The following BRF1 variants were observed in gnomAD, a reference collection of about 807,000 sequenced individuals.
The protein encoded by BRF1 is BRF1 general transcription factor IIIB subunit.
In BRF1, 59 loss-of-function variants were observed where a neutral mutation model predicts 81.7. The observed-to-expected ratio is 0.72, with a 90% confidence interval of 0.59 to 0.90. The LOEUF (loss-of-function observed/expected upper bound fraction) is 0.90. Among genes scored for constraint, BRF1 ranks in the 40% least tolerant of loss-of-function variants. The pLI, the probability that BRF1 is intolerant of heterozygous loss-of-function variation, is 0.00. For synonymous variants in BRF1, 491 were observed against 395.6 expected (o/e 1.24, Z -2.86); for missense variants, 1,050 against 936.3 (o/e 1.12, Z -1.58).
chr14:105,301,014 G>C (rs889416528), upstream of BRF1: 1 of 152,998 alleles, frequency 6.5e-6, no homozygotes, highest in African/African-American at 2.4e-5. Flanking sequence ...TTGGGGGCGG[G>C]GCCACGGCGG....
In BRF1 at chr14:105,221,929, T is replaced by G. The variant is rs1265699580; in HGVS notation, c.1049-15A>C. 6.4e-7 allele frequency: 1 copy of G among 1,553,782 alleles called. No individual in the cohort carries two copies. Among genetic ancestry groups the G allele is most frequent in the Non-Finnish European group, 8.7e-7 (1 of 1,155,282 alleles). On this transcript the variant is annotated splice_polypyrimidine_tract_variant and intron_variant, in intron 10 of 17. Coordinates refer to ENST00000547530, the MANE Select transcript of BRF1 (RefSeq NM_001519.4). ...CTCGGTGGAGCCTAGGTGTACACAA[T>G]CCACCTGTTAACCAGGCAGAGGGCC...
intron 5 of BRF1, chr14:105,249,603 G>A (rs369527228): frequency 7.2e-5 from 115 of 1,589,792 alleles, no homozygotes; most frequent in Non-Finnish European, 8.8e-5. Context: ...ATGGGTGCTT[G>A]GGAGCCAGCC....
Position 105,219,243 on chromosome 14 carries a change from A to G in BRF1, c.1378-11T>C. 1 of 1,610,042 alleles carries G rather than the reference A, an allele frequency of 6.2e-7. No individual in the cohort carries two copies. Among genetic ancestry groups the G allele is most frequent in the Non-Finnish European group, 8.5e-7 (1 of 1,176,962 alleles). ...CTCATTCAGGATGTACTGGGCGAGC[A>G]CAGGGAAGTGGGGCTGGCTTTTAGC... is the stretch of plus-strand genomic sequence containing the variant. On this transcript the variant is annotated splice_polypyrimidine_tract_variant and intron_variant, in intron 12 of 17. Coordinates refer to ENST00000547530, the MANE Select transcript of BRF1 (RefSeq NM_001519.4).
At chr14:105,279,892 C>T (rs1415864369) in intron 2 of BRF1, among the ~76,000 whole-genome samples, 1 of 152,244 alleles carries the variant, frequency 6.6e-6, no homozygotes. Flanking sequence ...TACTTACACG[C>T]TCCAAAACAG....
At chr14:105,283,706 T>G (rs1220551486) in intron 2 of BRF1, among the ~76,000 whole-genome samples, 2 of 152,230 alleles carry the variant, frequency 1.3e-5, no homozygotes, top group African/African-American at 4.8e-5. Context: ...CTCTTTGCAA[T>G]TTGTATAGGT....
In BRF1 at chr14:105,210,565, C is replaced by G; in HGVS notation, c.2020G>C (p.Asp674His). The G allele has an allele frequency of 6.2e-7, 1 of 1,611,728 alleles. No individual in the cohort carries two copies. The highest frequency in any genetic ancestry group is 8.5e-7 in the Non-Finnish European group (1 of 1,179,918). Residue 674 changes from aspartate to histidine, a missense_variant, in exon 18 of 18, where the codon GAC becomes CAC. Coordinates refer to ENST00000547530, the MANE Select transcript of BRF1 (RefSeq NM_001519.4). The surrounding 1 kb of genome is among the most constrained non-coding windows in gnomAD (Gnocchi z 4.7). Reference protein sequence around the residue: ...SNDYGCDGDEDDGY With the variant: ...SNDYGCDGDEHDGY ...GAGGCCACACTTCAGTAGCCGTCGT[C>G]CTCATCGCCATCACAGCCATAGTCT...
In BRF1 at chr14:105,272,103, C is replaced by T. The variant is rs2056680930; in HGVS notation, c.439+618G>A. 1.8e-5 allele frequency among the ~76,000 whole-genome samples: 2 copies of T among 113,776 alleles called. 1 individual carries two copies. Among genetic ancestry groups the T allele is most frequent in the Non-Finnish European group, 3.9e-5 (2 of 51,584 alleles). The allele number at this position is 113,776 out of a possible 152,430, so 74.6% of individuals were successfully genotyped here. A position where few individuals can be genotyped will look rare whatever the true frequency, so the allele number is the denominator to read the frequency against. ...CACGGTGTCCACGCACAAGGCCAAG[C>T]TGCACACCGCTGAGGGTCGGGGGCC... On this transcript the variant is annotated intron_variant, in intron 3 of 17. Coordinates refer to ENST00000547530, the MANE Select transcript of BRF1 (RefSeq NM_001519.4).
Position 105,249,356 on chromosome 14 carries a change from C to T in BRF1, c.544+3151G>A, listed in dbSNP as rs1263750580. On this transcript the variant is annotated intron_variant, in intron 5 of 17. Transcript: ENST00000547530. ...AGGCTCACGGCGGCGCTTTCTCCTC[C>T]CAGTACGTCTTGGCTGTCGGCAGCT... is the stretch of plus-strand genomic sequence containing the variant. 1.9e-6 allele frequency: 3 copies of T among 1,610,118 alleles called. No individual in the cohort carries two copies. In the South Asian group the frequency reaches 3.3e-5, roughly 18 times the overall value.
chr14:105,265,128 C>G (rs925637610), intron 3 of BRF1, among the ~76,000 whole-genome samples: 2 of 147,802 alleles, frequency 1.4e-5, no homozygotes, highest in African/African-American at 5.0e-5. Context: ...CACTGATGCA[C>G]TGATGTCATC....
chr14:105,289,333 A>T (rs1053801865), intron 1 of BRF1, among the ~76,000 whole-genome samples: 2 of 152,202 alleles, frequency 1.3e-5, no homozygotes, highest in African/African-American at 4.8e-5. Context: ...CACGGTGAGA[A>T]CCTGTCTGAA....
intron 2 of BRF1, 109 bp from the exon 3 acceptor site, chr14:105,273,003 T>A (rs1377015962): frequency 7.8e-7 from 1 of 1,284,698 alleles, no homozygotes; most frequent in Non-Finnish European, 1.0e-6. Context: ...CTTTTCCTTG[T>A]AAGTTTCTGA....
intron 3 of BRF1, among the ~76,000 whole-genome samples, chr14:105,256,975 C>T (rs2055908978): frequency 6.6e-6 from 1 of 152,284 alleles, no homozygotes; most frequent in African/African-American, 2.4e-5. Flanking sequence ...ATCCCAAGGG[C>T]ACTTGCTGAG....
intron 5 of BRF1, chr14:105,247,775 G>A (rs941295448): frequency 1.0e-6 from 1 of 985,418 alleles, no homozygotes; most frequent in Non-Finnish European, 1.2e-6. Context: ...CCAGGCCTCT[G>A]GAGCTTCGTC....
At position 105,241,257 on chromosome 14, in the gene BRF1, C is replaced by A. The variant is rs370685816; in HGVS notation, c.694+8G>T. ...CAGCATCCCCCAGGCAGGCAGGGCC[C>A]GCTGTACCTGCTCCGCAGAGGCCCG... On this transcript the variant is annotated splice_region_variant and intron_variant, in intron 6 of 17. Transcript: ENST00000547530. 10 of 1,610,190 alleles carry A rather than the reference C, an allele frequency of 6.2e-6. No homozygotes were observed. The highest frequency in any genetic ancestry group is 1.1e-5 in the South Asian group (1 of 91,046).
rs587772974 is a variant in BRF1 at position 105,296,956 on chromosome 14, G to A, written c.184+3490C>T. On this transcript the variant is annotated intron_variant, in intron 1 of 17. Transcript: ENST00000547530. Reference sequence around the variant, plus strand: ...GGGGATCACTTGAGGTCAGGAGTTCGAGACCAGCCTGGCCAACATGGTGAA... The same window carrying A: ...GGGGATCACTTGAGGTCAGGAGTTCAAGACCAGCCTGGCCAACATGGTGAA... Among the ~76,000 whole-genome samples the A allele has an allele frequency of 3.2e-4, 48 of 152,088 alleles. 1 individual carries two copies. The East Asian group carries it at 9.1e-3, about 29-fold the overall frequency.
At chr14:105,247,667 G>T (rs879590853) in intron 5 of BRF1, 8 of 985,286 alleles carry the variant, frequency 8.1e-6, no homozygotes, top group Non-Finnish European at 8.4e-6. Context: ...TGCTGGCTGC[G>T]TCCTGTGGGG....
chr14:105,226,678 G>C lies in BRF1; in HGVS notation c.871C>G (p.Pro291Ala). ...MKIDLEEECD[P>A]PSYTAGQRKL... is the part of the protein sequence containing the mutation. ...CTCTGCCCAGCTGTGTACGAGGGGG[G>C]GTCGCACTCCTCCTCCAGGTCGATC... is the stretch of plus-strand genomic sequence containing the variant. Residue 291 changes from proline to alanine, a missense_variant, in exon 8 of 18, where the codon CCC (proline) becomes GCC (alanine). By Grantham distance (27) the Pro-to-Ala change is conservative. Coordinates refer to ENST00000547530, the MANE Select transcript of BRF1 (RefSeq NM_001519.4). The C allele has an allele frequency of 6.2e-7, 1 of 1,613,504 alleles. No individual in the cohort carries two copies. The highest frequency in any genetic ancestry group is 8.5e-7 in the Non-Finnish European group (1 of 1,180,010).
chr14:105,250,033 G>C (rs1259967646), intron 5 of BRF1: 1 of 1,612,936 alleles, frequency 6.2e-7, no homozygotes, highest in Non-Finnish European at 8.5e-7. Flanking sequence ...GAAACAAGAG[G>C]CATGTTCTGG....
chr14:105,302,898 T>C (rs1362629985), upstream of BRF1, among the ~76,000 whole-genome samples: 1 of 152,080 alleles, frequency 6.6e-6, no homozygotes, highest in Non-Finnish European at 1.5e-5. Flanking sequence ...CCCAAAGTGC[T>C]GGGATTACAG....
Sources: gnomAD v4.1 joint callset for allele counts (sites outside exome capture counted in the v4.1 genomes callset) on GRCh38, gnomAD v4.1.1 for gene constraint, Gnocchi (gnomAD v3.1) non-coding constraint, MANE v1.5 for transcripts, NCBI Gene and HGNC (gene_info 2026-07-23, HGNC 2026-07-21) for gene names.